OXR1: variants seen among roughly 807,000 people sequenced by gnomAD.
OXR1 encodes oxidation resistance 1.
OXR1 carries 41 observed loss-of-function variants against 104.6 expected under a neutral mutation model. That is an observed-to-expected ratio of 0.39 (90% confidence interval 0.31 to 0.51). The LOEUF (loss-of-function observed/expected upper bound fraction) is 0.51, where lower values mean the gene tolerates loss of function less well. OXR1 is among the 20% of genes least tolerant of loss of function. The pLI is 0.77. For missense variants in OXR1, 955 were observed against 1,031.9 expected, an observed-to-expected ratio of 0.93 and a Z score of 1.02; for synonymous variants, 348 against 348.4, an observed-to-expected ratio of 1.00 and a Z score of 0.01.
chr8:106,684,760 G>A (rs1227006468), intron 6 of OXR1, among the ~76,000 whole-genome samples: 1 of 152,034 alleles, frequency 6.6e-6, no homozygotes, highest in Non-Finnish European at 1.5e-5. Flanking sequence ...TTGACACATT[G>A]CCTTTTAAAA....
At chr8:106,300,905 G>A (rs1813209701) in intron 1 of OXR1, among the ~76,000 whole-genome samples, 1 of 152,168 alleles carries the variant, frequency 6.6e-6, no homozygotes, top group Admixed American at 6.5e-5. Context: ...GCAGAAATTA[G>A]TTGGACAATG....
In OXR1 at chr8:106,286,008, T is replaced by G. The variant is rs1812486649; in HGVS notation, c.-139+15641T>G. On this transcript the variant is annotated intron_variant, in intron 1 of 16. Transcript: ENST00000517566. Reference sequence around the variant, plus strand: ...TCCTGTGGTAGATGTGGGGCTAATGTGACCTATCCAGCCAAATAACTCTCA... The same window carrying G: ...TCCTGTGGTAGATGTGGGGCTAATGGGACCTATCCAGCCAAATAACTCTCA... 2.6e-5 allele frequency among the ~76,000 whole-genome samples: 4 copies of G among 152,012 alleles called. 1 individual carries two copies. Among genetic ancestry groups the G allele is most frequent in the Admixed American group, 2.0e-4 (3 of 15,264 alleles).
At chr8:106,525,287 G>T (rs1289669759) in intron 3 of OXR1, among the ~76,000 whole-genome samples, 1 of 152,126 alleles carries the variant, frequency 6.6e-6, no homozygotes, top group Non-Finnish European at 1.5e-5. Flanking sequence ...CAGGGTAATG[G>T]CCTCACTTTC....
chr8:106,691,882 A>C (rs896742934), intron 6 of OXR1, among the ~76,000 whole-genome samples: 4 of 150,574 alleles, frequency 2.7e-5, no homozygotes, highest in Non-Finnish European at 5.9e-5. Context: ...ATAGGTTTGC[A>C]TCTTAGCTCC....
At chr8:106,501,601 G>C (rs902579803) in intron 2 of OXR1, among the ~76,000 whole-genome samples, 4 of 152,200 alleles carry the variant, frequency 2.6e-5, no homozygotes, top group African/African-American at 7.2e-5. Context: ...GTTAGCCTAG[G>C]GTGATAGCCA....
chr8:106,652,192 T>A (rs553031960), intron 3 of OXR1, among the ~76,000 whole-genome samples: 2 of 152,246 alleles, frequency 1.3e-5, no homozygotes, highest in African/African-American at 4.8e-5. Context: ...GGACTCTCTA[T>A]CTTAGTGCTG....
Position 106,483,551 on chromosome 8 carries a change from A to G in OXR1, c.24-35392A>G, listed in dbSNP as rs572950455. ...GCAAACAAAAAATCCACTTAACCCC[A>G]TCTGCACCAAGAAGTTTCCGATTAT... On this transcript the variant is annotated intron_variant, in intron 2 of 16. Transcript: ENST00000517566. Among the ~76,000 whole-genome samples, 5 of 152,082 alleles carry G rather than the reference A, an allele frequency of 3.3e-5. No individual in the cohort carries two copies. In the East Asian group the frequency reaches 9.7e-4, roughly 30 times the overall value.
intron 3 of OXR1, among the ~76,000 whole-genome samples, chr8:106,640,544 A>C (rs1823544843): frequency 1.3e-5 from 2 of 151,974 alleles, no homozygotes; most frequent in South Asian, 4.1e-4. Context: ...TTTGAGGAGA[A>C]AGTAGTGAGA....
chr8:106,497,788 ATGTG>A (rs5893796), intron 2 of OXR1, among the ~76,000 whole-genome samples: 10 of 150,434 alleles, frequency 6.6e-5, no homozygotes, highest in African/African-American at 2.2e-4. Context: ...TGGTCACCAT[ATGTG>A]TGTGTGTGTG....
chr8:106,708,735 A>G (rs1831399269), intron 9 of OXR1, among the ~76,000 whole-genome samples: 1 of 152,154 alleles, frequency 6.6e-6, no homozygotes, highest in Non-Finnish European at 1.5e-5. Context: ...TTTGAACATT[A>G]GTGTACAAAT....
intron 2 of OXR1, among the ~76,000 whole-genome samples, chr8:106,413,721 C>A (rs988059180): frequency 8.7e-6 from 1 of 114,678 alleles, no homozygotes; most frequent in African/African-American, 4.6e-5. Context: ...AATGCTGTAT[C>A]TACTTTTTTT....
intron 3 of OXR1, among the ~76,000 whole-genome samples, chr8:106,547,008 A>G (rs1455066787): frequency 6.6e-6 from 1 of 152,194 alleles, no homozygotes; most frequent in Non-Finnish European, 1.5e-5. Flanking sequence ...CTCCTGCCTC[A>G]GCCTACCAAG....
At chr8:106,308,291 T>G (rs1813548754) in intron 1 of OXR1, among the ~76,000 whole-genome samples, 1 of 152,206 alleles carries the variant, frequency 6.6e-6, no homozygotes. Context: ...TTCCTCCACC[T>G]TTTTGTTTAT....
chr8:106,727,816 G>A (rs1467899100), intron 11 of OXR1, among the ~76,000 whole-genome samples: 1 of 152,114 alleles, frequency 6.6e-6, no homozygotes, highest in Non-Finnish European at 1.5e-5. Flanking sequence ...CATTAGCTCT[G>A]CCCATACATA....
chr8:106,719,760 A>G (rs1832658791), intron 11 of OXR1, among the ~76,000 whole-genome samples: 1 of 152,130 alleles, frequency 6.6e-6, no homozygotes, highest in Non-Finnish European at 1.5e-5. Flanking sequence ...ACACTTAAGT[A>G]TAGATTATCA....
chr8:106,697,902 C>G, intron 7 of OXR1: 5 of 1,612,330 alleles, frequency 3.1e-6, no homozygotes. Context: ...CCTTTCGGCA[C>G]TGGGTGGTGA....
At position 106,459,497 on chromosome 8, in the gene OXR1, A is replaced by G. The variant is rs147736030; in HGVS notation, c.24-59446A>G. Reference sequence around the variant, plus strand: ...TTATAGCAATACAAAGCAGACAAAGACAAGCGCATTACCTATACATAAAGC... The same window carrying G: ...TTATAGCAATACAAAGCAGACAAAGGCAAGCGCATTACCTATACATAAAGC... On this transcript the variant is annotated intron_variant, in intron 2 of 16. Transcript: ENST00000517566. Among the ~76,000 whole-genome samples, 178 of 152,266 alleles carry G rather than the reference A, an allele frequency of 1.2e-3. 1 individual carries two copies. Among genetic ancestry groups the G allele is most frequent in the African/African-American group, 3.9e-3 (164 of 41,548 alleles).
At chr8:106,618,031 C>T (rs546718922) in intron 3 of OXR1, 226 of 1,517,200 alleles carry the variant, frequency 1.5e-4, no homozygotes, top group Non-Finnish European at 1.9e-4. Flanking sequence ...AGGGACCGGG[C>T]GGGAGGAGAA....
chr8:106,627,914 G>A (rs1822308595), intron 3 of OXR1, among the ~76,000 whole-genome samples: 1 of 152,140 alleles, frequency 6.6e-6, no homozygotes, highest in South Asian at 2.1e-4. Context: ...ATTGCACTTA[G>A]CAGATTTCCC....
Sources: allele counts gnomAD v4.1 joint callset (sites outside exome capture counted in the v4.1 genomes callset), GRCh38; gene constraint gnomAD v4.1.1; transcripts MANE v1.5; gene names NCBI Gene and HGNC (gene_info 2026-07-23, HGNC 2026-07-21).